LRRC4C: variants seen among roughly 807,000 people sequenced by gnomAD.
The protein encoded by LRRC4C is leucine-rich repeat-containing protein 4C.
Under a neutral mutation model 33.6 loss-of-function variants are expected in LRRC4C, and 5 were observed. The observed-to-expected ratio is 0.15, with a 90% CI of 0.08 to 0.31. The LOEUF (loss-of-function observed/expected upper bound fraction) is 0.31. Ranked by LOEUF, LRRC4C falls within the 10% of genes least tolerant of loss-of-function variation. The pLI is 1.00. For synonymous variants in LRRC4C, 329 were observed against 302.0 expected (o/e 1.09, Z -0.93); for missense variants, 560 against 796.7 (o/e 0.70, Z 3.58).
intron 5 of LRRC4C, among the ~76,000 whole-genome samples, chr11:40,182,613 A>G (rs529678525): frequency 6.6e-6 from 1 of 152,254 alleles, no homozygotes; most frequent in Non-Finnish European, 1.5e-5. Flanking sequence ...TATTTAAAGA[A>G]AAAAGATACA....
At chr11:41,003,209 T>C (rs1854506427) in intron 1 of LRRC4C, among the ~76,000 whole-genome samples, 1 of 152,162 alleles carries the variant, frequency 6.6e-6, no homozygotes, top group Non-Finnish European at 1.5e-5. Flanking sequence ...GTTTTCTTGA[T>C]ATTTCTTTAA....
chr11:40,383,072 T>C (rs554416446), intron 3 of LRRC4C, among the ~76,000 whole-genome samples: 1 of 152,058 alleles, frequency 6.6e-6, no homozygotes, highest in Admixed American at 6.6e-5. Flanking sequence ...TCTCTGCTTC[T>C]ATGAGTTTAA....
At chr11:40,976,076 A>G (rs775288297) in intron 1 of LRRC4C, among the ~76,000 whole-genome samples, 6 of 152,184 alleles carry the variant, frequency 3.9e-5, no homozygotes, top group Non-Finnish European at 7.3e-5. Flanking sequence ...CATCCTGCCA[A>G]TTAGGTATTT....
intron 3 of LRRC4C, among the ~76,000 whole-genome samples, chr11:40,511,030 AG>A (rs2135135818): frequency 6.6e-6 from 1 of 152,338 alleles, no homozygotes; most frequent in East Asian, 1.9e-4. Context: ...ATCCAGGTTG[AG>A]GAGAAAAATC....
At chr11:40,502,898 G>T (rs1420369495) in intron 3 of LRRC4C, among the ~76,000 whole-genome samples, 1 of 152,144 alleles carries the variant, frequency 6.6e-6, no homozygotes, top group East Asian at 1.9e-4. Context: ...TGAGGCAAAA[G>T]TGTCACTTGA....
chr11:40,270,277 T>C (rs1942592803), intron 4 of LRRC4C, among the ~76,000 whole-genome samples: 1 of 152,170 alleles, frequency 6.6e-6, no homozygotes, highest in South Asian at 2.1e-4. Flanking sequence ...TTTCAGAGAC[T>C]AGAAGTCCAA....
At chr11:40,500,684 C>A (rs959018741) in intron 3 of LRRC4C, among the ~76,000 whole-genome samples, 22 of 152,062 alleles carry the variant, frequency 1.4e-4, no homozygotes, top group Non-Finnish European at 2.9e-4. Context: ...TTATCTCCCA[C>A]CAGGTCCCTT....
intron 5 of LRRC4C, among the ~76,000 whole-genome samples, chr11:40,230,005 C>T (rs963511626): frequency 2.0e-5 from 3 of 152,126 alleles, no homozygotes; most frequent in Non-Finnish European, 2.9e-5. Context: ...CATACTTCTC[C>T]GTGAACATAA....
intron 1 of LRRC4C, among the ~76,000 whole-genome samples, chr11:41,058,414 C>T (rs756093983): frequency 6.6e-5 from 10 of 152,232 alleles, no homozygotes; most frequent in Non-Finnish European, 1.0e-4. Context: ...ACTCATGCAC[C>T]CCTTACTGTT....
intron 3 of LRRC4C, among the ~76,000 whole-genome samples, chr11:40,624,102 A>G (rs1391397119): frequency 6.6e-6 from 1 of 152,044 alleles, no homozygotes; most frequent in African/African-American, 2.4e-5. Context: ...TCAAAAATAG[A>G]GAGTACCTGG....
At chr11:40,225,906 A>G (rs565064603) in intron 5 of LRRC4C, among the ~76,000 whole-genome samples, 36 of 152,312 alleles carry the variant, frequency 2.4e-4, no homozygotes, top group African/African-American at 8.4e-4. Flanking sequence ...GGCGTGAGCC[A>G]CCACGCCCAG....
At chr11:40,849,296 A>G (rs1953360219) in intron 2 of LRRC4C, among the ~76,000 whole-genome samples, 1 of 152,086 alleles carries the variant, frequency 6.6e-6, no homozygotes, top group Non-Finnish European at 1.5e-5. Flanking sequence ...TCCTTTCCAC[A>G]TTTAGTGCTT....
chr11:41,099,599 T>C (rs1941038345), intron 1 of LRRC4C, among the ~76,000 whole-genome samples: 1 of 152,166 alleles, frequency 6.6e-6, no homozygotes, highest in South Asian at 2.1e-4. Context: ...AACCACGTGA[T>C]TATGTCAATA....
At chr11:41,165,600 C>T (rs559472416) in intron 1 of LRRC4C, among the ~76,000 whole-genome samples, 4 of 152,124 alleles carry the variant, frequency 2.6e-5, no homozygotes, top group Admixed American at 6.6e-5. Context: ...CTAAATTCCT[C>T]GCTCTACTAT....
chr11:40,993,699 GA>G (rs1282259334), intron 1 of LRRC4C, among the ~76,000 whole-genome samples: 2 of 151,752 alleles, frequency 1.3e-5, no homozygotes, highest in Non-Finnish European at 2.9e-5. Context: ...GCGAATATCA[GA>G]CAGAAAAACA....
intron 3 of LRRC4C, among the ~76,000 whole-genome samples, chr11:40,532,107 C>A (rs554224858): frequency 1.3e-5 from 2 of 150,382 alleles, no homozygotes; most frequent in African/African-American, 4.9e-5. Context: ...AGATAAATAA[C>A]CTGAAGCTTG....
rs116634084 is a variant in LRRC4C, at chr11:40,862,412, A to G, written c.-407+71223T>C. On this transcript the variant is annotated intron_variant, in intron 2 of 6. Transcript: ENST00000528697. ...TGCTATTTGTAGGAGGCAAAGAATC[A>G]TTTGTTCAGAATATTTTAAAGAAAA... 9.5e-3 allele frequency among the ~76,000 whole-genome samples: 1,447 copies of G among 152,328 alleles called. 24 individuals carry two copies. The highest frequency in any genetic ancestry group is 0.032 in the African/African-American group (1,320 of 41,580).
chr11:41,319,071 C>T (rs1950878149), intron 1 of LRRC4C, among the ~76,000 whole-genome samples: 1 of 152,172 alleles, frequency 6.6e-6, no homozygotes, highest in Non-Finnish European at 1.5e-5. Context: ...TTTTGGATTT[C>T]ACATGTTCTC....
intron 3 of LRRC4C, among the ~76,000 whole-genome samples, chr11:40,455,766 G>A (rs148560480): frequency 4.3e-4 from 66 of 152,128 alleles, no homozygotes; most frequent in African/African-American, 1.5e-3. Flanking sequence ...GGTGACATTG[G>A]TACCCTTACC....
Sources: gnomAD v4.1 joint callset for allele counts (sites outside exome capture counted in the v4.1 genomes callset) on GRCh38, gnomAD v4.1.1 for gene constraint, MANE v1.5 for transcripts, NCBI Gene and HGNC (gene_info 2026-07-23, HGNC 2026-07-21) for gene names.